CDH18: variants seen among roughly 807,000 people sequenced by gnomAD.
The protein encoded by CDH18 is cadherin 18.
Under a neutral mutation model 67.9 loss-of-function variants are expected in CDH18, and 31 were observed. The ratio of observed to expected loss-of-function variants is 0.46; its 90% CI spans 0.34 to 0.62. CDH18 has a LOEUF of 0.62. Among genes scored for constraint, CDH18 ranks in the 20% least tolerant of loss-of-function variants. The pLI is 0.01. For synonymous variants in CDH18, 362 were observed against 347.2 expected (o/e 1.04, Z -0.48); for missense variants, 890 against 975.5 (o/e 0.91, Z 1.17).
intron 1 of CDH18, among the ~76,000 whole-genome samples, chr5:20,323,124 G>C (rs1489178358): frequency 6.6e-6 from 1 of 152,118 alleles, no homozygotes; most frequent in African/African-American, 2.4e-5. Context: ...TCAAGCACTT[G>C]AAAACAAGCT....
intron 2 of CDH18, among the ~76,000 whole-genome samples, chr5:19,855,246 T>G (rs1394233870): frequency 6.6e-6 from 1 of 152,108 alleles, no homozygotes; most frequent in South Asian, 2.1e-4. Context: ...TGATTTAAAA[T>G]GAATCACCTT....
rs1015716440 is a variant in CDH18 at position 19,884,136 on chromosome 5, A to G, written c.-256-44894T>C. 4.5e-4 allele frequency among the ~76,000 whole-genome samples: 68 copies of G among 152,236 alleles called. 1 individual carries two copies. Among genetic ancestry groups the G allele is most frequent in the African/African-American group, 1.6e-3 (66 of 41,568 alleles). ...TTCTATATATTTTCAACTGACAGTCAATGGGAAGTTAAAATTACAGCTACA... is the reference window on the plus strand; with the variant it reads ...TTCTATATATTTTCAACTGACAGTCGATGGGAAGTTAAAATTACAGCTACA... On this transcript the variant is annotated intron_variant, in intron 2 of 12. Transcript: ENST00000382275.
chr5:20,382,677 A>T (rs1744006809), intron 1 of CDH18, among the ~76,000 whole-genome samples: 1 of 152,168 alleles, frequency 6.6e-6, no homozygotes, highest in Non-Finnish European at 1.5e-5. Flanking sequence ...ACACCTAGTG[A>T]CAGAAGCAAT....
intron 6 of CDH18, among the ~76,000 whole-genome samples, chr5:19,600,447 T>C (rs1056042735): frequency 1.3e-5 from 2 of 151,386 alleles, no homozygotes; most frequent in African/African-American, 4.9e-5. Flanking sequence ...GAGCCAGCTG[T>C]TCTCTATAAC....
chr5:19,711,650 T>TAAAAAAAAAAA (rs3062941), intron 5 of CDH18, among the ~76,000 whole-genome samples: 30 of 115,472 alleles, frequency 2.6e-4, no homozygotes, highest in African/African-American at 9.1e-4. Context: ...TAGTATAAAG[T>TAAAAAAAAAAA]AAAAAAAAAA....
chr5:19,824,559 T>C (rs1780214561), intron 3 of CDH18, among the ~76,000 whole-genome samples: 1 of 151,862 alleles, frequency 6.6e-6, no homozygotes, highest in African/African-American at 2.4e-5. Flanking sequence ...AACTTTGGAG[T>C]TCAACAAAAC....
chr5:20,168,582 T>C (rs1028929226), intron 2 of CDH18, among the ~76,000 whole-genome samples: 2 of 152,108 alleles, frequency 1.3e-5, no homozygotes, highest in African/African-American at 4.8e-5. Context: ...TCCCAAGATA[T>C]AGGTTCTAGT....
intron 2 of CDH18, among the ~76,000 whole-genome samples, chr5:20,038,332 C>T (rs150476526): frequency 0.015 from 2,315 of 152,260 alleles, 26 homozygotes; most frequent in Middle Eastern, 0.027. Flanking sequence ...AAGAGGGACT[C>T]ATCCCTAACT....
intron 1 of CDH18, among the ~76,000 whole-genome samples, chr5:20,300,281 C>T (rs1747860533): frequency 7.1e-6 from 1 of 141,082 alleles, no homozygotes. Context: ...AACATTTCCA[C>T]ATAGATTAAG....
At chr5:19,762,634 T>G (rs1003675672) in intron 3 of CDH18, among the ~76,000 whole-genome samples, 1 of 152,050 alleles carries the variant, frequency 6.6e-6, no homozygotes, top group African/African-American at 2.4e-5. Context: ...ATAGGAATGC[T>G]TTTACACTGT....
At chr5:19,590,180 T>C (rs904146089) in intron 7 of CDH18, among the ~76,000 whole-genome samples, 3 of 152,056 alleles carry the variant, frequency 2.0e-5, no homozygotes, top group African/African-American at 7.2e-5. Context: ...ATTTGTTAAA[T>C]AAATATGCAA....
At chr5:19,717,163 C>G (rs1765440723) in intron 5 of CDH18, among the ~76,000 whole-genome samples, 1 of 151,916 alleles carries the variant, frequency 6.6e-6, no homozygotes, top group African/African-American at 2.4e-5. Flanking sequence ...TTCGTGACAT[C>G]AGGTTTTAAT....
intron 2 of CDH18, among the ~76,000 whole-genome samples, chr5:20,019,146 T>G (rs756462620): frequency 7.2e-5 from 11 of 152,142 alleles, no homozygotes; most frequent in Middle Eastern, 3.2e-3. Context: ...GCCTTGGTAT[T>G]TTCATGGAAT....
chr5:19,925,917 G>T (rs1222113958), intron 2 of CDH18, among the ~76,000 whole-genome samples: 2 of 152,026 alleles, frequency 1.3e-5, no homozygotes, highest in Non-Finnish European at 1.5e-5. Flanking sequence ...AATGGCACCA[G>T]GTATGGTCTA....
chr5:20,517,796 AC>A (rs1341168372), intron 1 of CDH18, among the ~76,000 whole-genome samples: 1 of 152,128 alleles, frequency 6.6e-6, no homozygotes, highest in Non-Finnish European at 1.5e-5. Context: ...CAGTAAGCAT[AC>A]CATGTAGACT....
chr5:19,601,992 A>T (rs1156299783), intron 6 of CDH18, among the ~76,000 whole-genome samples: 1 of 152,144 alleles, frequency 6.6e-6, no homozygotes, highest in Non-Finnish European at 1.5e-5. Context: ...CACAACTAAT[A>T]TCACTAAAAT....
At chr5:20,060,865 A>C (rs1209037192) in intron 2 of CDH18, among the ~76,000 whole-genome samples, 1 of 151,928 alleles carries the variant, frequency 6.6e-6, no homozygotes, top group Non-Finnish European at 1.5e-5. Context: ...GAAAACAACA[A>C]TTTTCTAGAA....
intron 4 of CDH18, among the ~76,000 whole-genome samples, chr5:19,737,584 T>C (rs1288427279): frequency 6.6e-6 from 1 of 152,150 alleles, no homozygotes; most frequent in Non-Finnish European, 1.5e-5. Flanking sequence ...ACCTGACTCC[T>C]AGGAAATGGA....
chr5:20,355,635 CTG>C (rs2150063897), intron 1 of CDH18, among the ~76,000 whole-genome samples: 1 of 152,230 alleles, frequency 6.6e-6, no homozygotes, highest in Admixed American at 6.5e-5. Context: ...ACAAAGATTA[CTG>C]TGTGAATTAA....
Sources: gnomAD v4.1 joint callset for allele counts (sites outside exome capture counted in the v4.1 genomes callset) on GRCh38, gnomAD v4.1.1 for gene constraint, MANE v1.5 for transcripts, NCBI Gene and HGNC (gene_info 2026-07-23, HGNC 2026-07-21) for gene names.